Variants in CFAP91 observed in about 807,000 individuals in gnomAD.
The protein encoded by CFAP91 is cilia and flagella associated protein 91.
In CFAP91, 85 loss-of-function variants were observed where a neutral mutation model predicts 95.9. The observed-to-expected ratio is 0.89, with a 90% CI of 0.74 to 1.06. The LOEUF (loss-of-function observed/expected upper bound fraction) is 1.06, where lower values mean the gene tolerates loss of function less well. Ranked by LOEUF, CFAP91 falls within the 50% of genes least tolerant of loss-of-function variation. The probability of loss-of-function intolerance (pLI) is 0.00; values close to 1 mark genes in which losing one functional copy is unlikely to be tolerated. For missense variants in CFAP91, 962 were observed against 943.4 expected (o/e 1.02, Z -0.26); for synonymous variants, 335 against 327.5 (o/e 1.02, Z -0.25).
rs548728216 is a variant in CFAP91, at chr3:119,738,444, G to C, written c.1462-811G>C. ...GCTCACTGCAACCTCTGCCTCCTGGGTTCAAGCGATTCTCCTGCGTCAGCC... is the reference window on the plus strand; with the variant it reads ...GCTCACTGCAACCTCTGCCTCCTGGCTTCAAGCGATTCTCCTGCGTCAGCC... On this transcript the variant is annotated intron_variant, in intron 11 of 17. Transcript: ENST00000273390. Among the ~76,000 whole-genome samples, 121 of 141,928 alleles carry C rather than the reference G, an allele frequency of 8.5e-4. 2 individuals are homozygous for C. The highest frequency in any genetic ancestry group is 4.1e-3 in the Middle Eastern group (1 of 242). The allele number at this position is 141,928 out of a possible 152,430, so 93.1% of individuals were successfully genotyped here.
At chr3:119,719,413 A>G (rs1462476307) in intron 6 of CFAP91, among the ~76,000 whole-genome samples, 4 of 152,186 alleles carry the variant, frequency 2.6e-5, no homozygotes, top group African/African-American at 9.7e-5. Context: ...CATTCATGAA[A>G]AGTTTACATA....
chr3:119,737,515 A>T, intron 11 of CFAP91, 33 bp downstream of exon 11: 1 of 1,212,340 alleles, frequency 8.2e-7, no homozygotes, highest in Non-Finnish European at 1.2e-6. Context: ...GAAATGCTAA[A>T]TTCAATATCA....
chr3:119,715,654 C>G lies in CFAP91; in HGVS notation c.593C>G (p.Ala198Gly). 6.2e-7 allele frequency: 1 copy of G among 1,613,466 alleles called. No homozygotes were observed. The highest frequency in any genetic ancestry group is 8.5e-7 in the Non-Finnish European group (1 of 1,179,384). Residue 198 changes from alanine (A) to glycine (G), a missense_variant, in exon 6 of 18, where the codon GCT (alanine) becomes GGT (glycine). Physicochemically the swap from Ala to Gly is moderately conservative, Grantham distance 60 (BLOSUM62 0). Coordinates refer to ENST00000273390, the MANE Select transcript of CFAP91 (RefSeq NM_033364.4). The part of the protein sequence containing the change: ...TVGTQTDYRD[A>G]DVQTDPYSAE... ...GGCACTCAGACTGATTATCGGGATGCTGACGTTCAAACAGATCCATACTCT... is the reference window on the plus strand; with the variant it reads ...GGCACTCAGACTGATTATCGGGATGGTGACGTTCAAACAGATCCATACTCT...
chr3:119,762,292 C>G (rs943146162), intron 17 of CFAP91, among the ~76,000 whole-genome samples: 2 of 151,610 alleles, frequency 1.3e-5, no homozygotes, highest in African/African-American at 2.4e-5. Context: ...TCAAGGAGAC[C>G]TGTACATTGA....
chr3:119,730,394 A>C lies in CFAP91; in HGVS notation c.1018+17A>C, dbSNP rs758439972. On this transcript the variant is annotated intron_variant, in intron 8 of 17. Coordinates refer to ENST00000273390, the MANE Select transcript of CFAP91 (RefSeq NM_033364.4). Reference sequence around the variant, plus strand: ...ATGTATCAAGTAATGGTGTAGTATGAACAATGAAGACGGTGGAAAAGTGGG... The same window carrying C: ...ATGTATCAAGTAATGGTGTAGTATGCACAATGAAGACGGTGGAAAAGTGGG... 37 of 1,607,032 alleles carry C rather than the reference A, an allele frequency of 2.3e-5. No homozygotes were observed. Among genetic ancestry groups the C allele is most frequent in the Non-Finnish European group, 3.1e-5 (36 of 1,177,070 alleles).
chr3:119,741,064 C>T (rs1353001952), intron 13 of CFAP91, among the ~76,000 whole-genome samples: 3 of 152,170 alleles, frequency 2.0e-5, no homozygotes, highest in Non-Finnish European at 4.4e-5. Flanking sequence ...ATTGGCCAGG[C>T]TGGTCTCGAA....
At chr3:119,731,357 C>G (rs1277028250) in intron 8 of CFAP91, among the ~76,000 whole-genome samples, 1 of 152,096 alleles carries the variant, frequency 6.6e-6, no homozygotes, top group Admixed American at 6.5e-5. Flanking sequence ...AAAACAATCA[C>G]AAAAACAAAT....
chr3:119,732,581 A>T, intron 9 of CFAP91, 105 bp downstream of exon 9: 1 of 824,724 alleles, frequency 1.2e-6, no homozygotes, highest in Non-Finnish European at 1.9e-6. Flanking sequence ...AGCAATAAAA[A>T]TATTTGCAAT....
intron 17 of CFAP91, among the ~76,000 whole-genome samples, chr3:119,759,748 G>A (rs887266960): frequency 4.6e-5 from 7 of 151,912 alleles, no homozygotes; most frequent in African/African-American, 1.7e-4. Flanking sequence ...GTTGAGGAGG[G>A]TGGATAAAAA....
At position 119,703,082 on chromosome 3, in the gene CFAP91, A is replaced by T. The variant is rs1577189429; in HGVS notation, c.-17A>T. ...GACCCGCTGGTCCCTTGCTGGCGGG[A>T]GGAAAGAGGCGGCACCATGAGCCAC... On this transcript the variant is annotated 5_prime_UTR_variant, in exon 1 of 18. Transcript: ENST00000273390. The T allele has an allele frequency of 3.9e-6, 6 of 1,550,872 alleles. No individual in the cohort carries two copies. The highest frequency in any genetic ancestry group is 5.2e-6 in the Non-Finnish European group (6 of 1,147,270).
chr3:119,748,021 T>C, intron 16 of CFAP91, 119 bp downstream of exon 16: 1 of 752,184 alleles, frequency 1.3e-6, no homozygotes. Context: ...GATCACTGAG[T>C]TTTCTTATTT....
chr3:119,711,977 G>A (rs2107858543), intron 5 of CFAP91, among the ~76,000 whole-genome samples: 1 of 152,316 alleles, frequency 6.6e-6, no homozygotes, highest in South Asian at 2.1e-4. Context: ...CCTGGTGCCT[G>A]GGCAGTGGTG....
chr3:119,725,783 A>G (rs1405170334), intron 6 of CFAP91, among the ~76,000 whole-genome samples: 5 of 151,868 alleles, frequency 3.3e-5, no homozygotes, highest in Admixed American at 6.6e-5. Flanking sequence ...AAAAGTATAT[A>G]TTTTTCACTT....
chr3:119,707,399 A>T lies in CFAP91; in HGVS notation c.202-5A>T. The T allele has an allele frequency of 6.5e-7, 1 of 1,531,424 alleles. No homozygotes were observed. Among genetic ancestry groups the T allele is most frequent in the South Asian group, 1.3e-5 (1 of 79,086 alleles). The allele number at this position is 1,531,424 out of a possible 1,614,324, so 94.9% of individuals were successfully genotyped here. A position where few individuals can be genotyped will look rare whatever the true frequency, so the allele number is the denominator to read the frequency against. Reference sequence around the variant, plus strand: ...TTGTCCTTTGCCTCCCTTCTCTAACATTAGAGAAAAGTTCCCAGGTTTAAA... The same window carrying T: ...TTGTCCTTTGCCTCCCTTCTCTAACTTTAGAGAAAAGTTCCCAGGTTTAAA... On this transcript the variant is annotated splice_region_variant and splice_polypyrimidine_tract_variant and intron_variant, in intron 2 of 17. Coordinates refer to ENST00000273390, the MANE Select transcript of CFAP91 (RefSeq NM_033364.4).
At chr3:119,734,681 A>G (rs548592551) in intron 10 of CFAP91, among the ~76,000 whole-genome samples, 1 of 152,286 alleles carries the variant, frequency 6.6e-6, no homozygotes, top group Non-Finnish European at 1.5e-5. Flanking sequence ...ATTTACTCAT[A>G]TGTTGATTAG....
chr3:119,736,607 T>C (rs1309190669), intron 10 of CFAP91, among the ~76,000 whole-genome samples: 1 of 152,172 alleles, frequency 6.6e-6, no homozygotes, highest in Non-Finnish European at 1.5e-5. Context: ...ATTTGCCTAT[T>C]CTGGACATTT....
At chr3:119,704,833 A>C (rs918157784) in intron 1 of CFAP91, among the ~76,000 whole-genome samples, 2 of 152,210 alleles carry the variant, frequency 1.3e-5, no homozygotes, top group Admixed American at 1.3e-4. Flanking sequence ...ATTGTAGCCC[A>C]ATGCATCACT....
intron 5 of CFAP91, chr3:119,710,439 C>T (rs2053452595): frequency 6.6e-6 from 1 of 152,622 alleles, no homozygotes; most frequent in Non-Finnish European, 1.5e-5. Flanking sequence ...CTCTGTAATC[C>T]TTTTATAAGG....
chr3:119,754,420 T>G (rs950642229), intron 17 of CFAP91, among the ~76,000 whole-genome samples: 2 of 152,172 alleles, frequency 1.3e-5, no homozygotes, highest in Non-Finnish European at 2.9e-5. Context: ...TGTGAAGATT[T>G]GGAAAATTCT....
Sources: gnomAD v4.1 joint callset for allele counts (sites outside exome capture counted in the v4.1 genomes callset) on GRCh38, gnomAD v4.1.1 for gene constraint, MANE v1.5 for transcripts, NCBI Gene and HGNC (gene_info 2026-07-23, HGNC 2026-07-21) for gene names.